ZNF786: variants seen among roughly 807,000 people sequenced by gnomAD.
ZNF786 encodes the protein zinc finger protein 786.
ZNF786 carries 56 observed loss-of-function variants against 63.1 expected under a neutral mutation model. The observed-to-expected ratio is 0.89, with a 90% CI of 0.72 to 1.11. ZNF786 has a LOEUF of 1.11. Ranked by LOEUF, ZNF786 falls within the 50% of genes least tolerant of loss-of-function variation. ZNF786 has a pLI of 0.00. For synonymous variants in ZNF786, 485 were observed against 406.9 expected (o/e 1.19, Z -2.31); for missense variants, 1,213 against 1,041.8 (o/e 1.16, Z -2.26).
At chr7:149,075,028 C>G (rs28673118) in intron 2 of ZNF786, among the ~76,000 whole-genome samples, 21,975 of 151,828 alleles carry the variant, frequency 0.14, 1,741 homozygotes, top group African/African-American at 0.22. Context: ...CGGGTTTCAC[C>G]GTGTTGCCCA....
In ZNF786 at chr7:149,070,676, G is replaced by A. The variant is rs750182347; in HGVS notation, c.2096C>T (p.Thr699Ile). The change falls in exon 4 of 4, where the codon ACA (threonine) becomes ATA (isoleucine). Residue 699 changes from threonine (T) to isoleucine (I), a missense_variant. Thr to Ile is a moderately conservative substitution (Grantham distance 89). Transcript: ENST00000491431. The stretch of plus-strand genomic sequence containing the variant: ...AGGGCAGTGAAAAGGCCTCTCCCCT[G>A]TGTGCAGGCCCTGATGGCTGAGCAG... ...AQLLSHQGLH[T>I]GERPFHCPEC... is the part of the protein sequence containing the mutation. 1.2e-6 allele frequency: 2 copies of A among 1,613,900 alleles called. No homozygotes were observed. Among genetic ancestry groups the A allele is most frequent in the South Asian group, 2.2e-5 (2 of 91,088 alleles).
chr7:149,086,843 C>T (rs926438527), intron 1 of ZNF786, among the ~76,000 whole-genome samples: 2 of 102,910 alleles, frequency 1.9e-5, no homozygotes, highest in Non-Finnish European at 4.3e-5. Context: ...CAGCGCAGAT[C>T]CTTTTTTTTT....
At chr7:149,074,664 GT>G in intron 2 of ZNF786, 126 bp from the exon 3 acceptor site, 1 of 1,134,230 alleles carries the variant, frequency 8.8e-7, no homozygotes, top group Non-Finnish European at 1.2e-6. Flanking sequence ...AAAAAAACAG[GT>G]TTACACAAAG....
At chr7:149,073,333 T>C (rs1405130007) in intron 3 of ZNF786, among the ~76,000 whole-genome samples, 1 of 152,174 alleles carries the variant, frequency 6.6e-6, no homozygotes, top group African/African-American at 2.4e-5. Flanking sequence ...CAGGTTGAAG[T>C]ATTCAAGTAG....
chr7:149,082,526 G>A (rs1405124), intron 1 of ZNF786: 542,400 of 908,132 alleles, frequency 0.6, 171,138 homozygotes, highest in East Asian at 0.9. Flanking sequence ...AACTGCCATT[G>A]TTATTGCCAT....
In ZNF786 at chr7:149,071,378, C is replaced by A. The variant is rs1306848635; in HGVS notation, c.1394G>T (p.Arg465Met). 6.2e-7 allele frequency: 1 copy of A among 1,613,236 alleles called. No individual in the cohort carries two copies. ...CAKCGRNFRQRGQLLRHQRLH... is the reference protein window; with the variant it reads ...CAKCGRNFRQMGQLLRHQRLH... ...CCGCTGGTGCCGCAGCAGCTGTCCC[C>A]TCTGACGGAAGTTCCTGCCACACTT... The change falls in exon 4 of 4, where the codon AGG becomes ATG. Residue 465 changes from arginine (R) to methionine (M), a missense_variant. Transcript: ENST00000491431.
At chr7:149,090,595 G>A in intron 1 of ZNF786, 28 bp downstream of exon 1, 1 of 1,566,488 alleles carries the variant, frequency 6.4e-7, no homozygotes, top group Non-Finnish European at 8.7e-7. Context: ...CCCCGAAACC[G>A]GGCGTCCAAA....
Position 149,071,490 on chromosome 7 carries a change from T to C in ZNF786, c.1282A>G (p.Arg428Gly), listed in dbSNP as rs1825415442. The C allele has an allele frequency of 6.2e-7, 1 of 1,612,052 alleles. No homozygotes were observed. Among genetic ancestry groups the C allele is most frequent in the South Asian group, 1.1e-5 (1 of 91,012 alleles). ...AHGGERPFSC[R>G]KCGKGFAKQC... Reference sequence around the variant, plus strand: ...TTGGCGAAGCCCTTGCCACACTTCCTGCAGGAGAACGGTCTCTCCCCACCG... The same window carrying C: ...TTGGCGAAGCCCTTGCCACACTTCCCGCAGGAGAACGGTCTCTCCCCACCG... The change falls in exon 4 of 4, where the codon AGG becomes GGG. Residue 428 changes from arginine to glycine, a missense_variant. Arg to Gly is a moderately radical substitution (Grantham distance 125). Transcript: ENST00000491431.
intron 1 of ZNF786, among the ~76,000 whole-genome samples, chr7:149,085,637 A>T (rs1328280784): frequency 6.6e-6 from 1 of 152,132 alleles, no homozygotes; most frequent in Non-Finnish European, 1.5e-5. Context: ...TCTAATTGTC[A>T]TTGGTAGTTT....
At chr7:149,072,824 A>T (rs1825456218) in intron 3 of ZNF786, among the ~76,000 whole-genome samples, 1 of 152,224 alleles carries the variant, frequency 6.6e-6, no homozygotes, top group Non-Finnish European at 1.5e-5. Flanking sequence ...AAAAACATGG[A>T]AACAAAAGTA....
intron 1 of ZNF786, among the ~76,000 whole-genome samples, chr7:149,089,394 A>C (rs986775329): frequency 7.2e-5 from 11 of 151,800 alleles, no homozygotes; most frequent in Non-Finnish European, 1.6e-4. Flanking sequence ...AGTTCGCTGC[A>C]ACCTCCACCT....
At position 149,074,378 on chromosome 7, in the gene ZNF786, A is replaced by G; in HGVS notation, c.298+8T>C. 1.2e-6 allele frequency: 2 copies of G among 1,613,546 alleles called. No individual in the cohort carries two copies. The highest frequency in any genetic ancestry group is 1.7e-6 in the Non-Finnish European group (2 of 1,179,670). ...TCAAGGTCGGGGCCCTGATTTCTTA[A>G]TACTCACCCCAAAACAGCTGTTCCT... On this transcript the variant is annotated splice_region_variant and intron_variant, in intron 3 of 3. Transcript: ENST00000491431.
chr7:149,081,435 C>CAAAAA (rs749538585), intron 1 of ZNF786, among the ~76,000 whole-genome samples: 4 of 46,224 alleles, frequency 8.7e-5, no homozygotes, highest in African/African-American at 1.4e-4. Flanking sequence ...GACTCGGTCT[C>CAAAAA]AAAAAAAAAA....
At position 149,071,613 on chromosome 7, in the gene ZNF786, G is replaced by A; in HGVS notation, c.1159C>T (p.Pro387Ser). 3 of 1,595,362 alleles carry A rather than the reference G, an allele frequency of 1.9e-6. No individual in the cohort carries two copies. Among genetic ancestry groups the A allele is most frequent in the Non-Finnish European group, 2.6e-6 (3 of 1,172,926 alleles). Residue 387 changes from proline (P) to serine (S), a missense_variant, in exon 4 of 4, where the codon CCC (proline) becomes TCC (serine). Transcript: ENST00000491431. ...RSPMSARLAS[P>S]CRAHTGEKPF... is the part of the protein sequence containing the mutation. ...TTTTCTCCAGTATGCGCCCTGCAGGGGCTGGCGAGCCTGGCGCTCATAGGG... is the reference window on the plus strand; with the variant it reads ...TTTTCTCCAGTATGCGCCCTGCAGGAGCTGGCGAGCCTGGCGCTCATAGGG...
chr7:149,088,859 T>C (rs1303136054), intron 1 of ZNF786, among the ~76,000 whole-genome samples: 1 of 152,214 alleles, frequency 6.6e-6, no homozygotes, highest in African/African-American at 2.4e-5. Context: ...TATATGTATC[T>C]GTAAATATTC....
Position 149,072,100 on chromosome 7 carries a change from C to A in ZNF786, c.672G>T (p.Arg224Ser). The A allele has an allele frequency of 6.2e-7, 1 of 1,613,252 alleles. No individual in the cohort carries two copies. Among genetic ancestry groups the A allele is most frequent in the South Asian group, 1.1e-5 (1 of 90,978 alleles). The stretch of plus-strand genomic sequence containing the variant: ...TGCTCCACGGCATCTGCGTCTCCGC[C>A]CTCTTGTTGAATTTCTCCCAGGCCC... ...TRRAWEKFNKRAETQMPWSSP... is the reference protein window; with the variant it reads ...TRRAWEKFNKSAETQMPWSSP... Residue 224 changes from arginine (R) to serine (S), a missense_variant, in exon 4 of 4, where the codon AGG becomes AGT. Coordinates refer to ENST00000491431, the MANE Select transcript of ZNF786 (RefSeq NM_152411.4).
In ZNF786 at chr7:149,071,371, C is replaced by T; in HGVS notation, c.1401G>A (p.Gln467=). ...KCGRNFRQRG[Q]LLRHQRLHTD... ...TGTGCAGCCGCTGGTGCCGCAGCAG[C>T]TGTCCCCTCTGACGGAAGTTCCTGC... Residue 467 remains glutamine (Q), a synonymous_variant, in exon 4 of 4, where the codon CAG becomes CAA. Transcript: ENST00000491431. 1 of 1,613,280 alleles carries T rather than the reference C, an allele frequency of 6.2e-7. No homozygotes were observed. The highest frequency in any genetic ancestry group is 1.7e-5 in the Admixed American group (1 of 59,982).
Position 149,071,795 on chromosome 7 carries a change from C to T in ZNF786, c.977G>A (p.Trp326Ter). Residue 326 changes from tryptophan (W) to a stop codon, truncating the protein, a stop_gained, in exon 4 of 4, where the codon TGG becomes TAG. Transcript: ENST00000491431. LOFTEE classifies it high-confidence loss of function. ...CQHSREGPAS[W>*]REGRGASSSV... is the part of the protein sequence containing the mutation. ...GCTGGAGGCCCCGCGGCCTTCTCTC[C>T]AAGAGGCCGGCCCCTCCCGGCTGTG... 6.3e-7 allele frequency: 1 copy of T among 1,583,850 alleles called. No individual in the cohort carries two copies.
At chr7:149,082,546 A>G (rs1825669891) in intron 1 of ZNF786, 1 of 922,578 alleles carries the variant, frequency 1.1e-6, no homozygotes, top group Non-Finnish European at 1.3e-6. Context: ...TATGTCCTCA[A>G]TTTTTATGGG....
Sources: allele counts gnomAD v4.1 joint callset (sites outside exome capture counted in the v4.1 genomes callset), GRCh38; gene constraint gnomAD v4.1.1; transcripts MANE v1.5; gene names NCBI Gene and HGNC (gene_info 2026-07-23, HGNC 2026-07-21).